CACNA2D1: variants seen among roughly 807,000 people sequenced by gnomAD.
CACNA2D1 encodes calcium voltage-gated channel auxiliary subunit alpha2delta 1.
A neutral mutation model predicts 171.5 loss-of-function variants in CACNA2D1; 53 were observed. The observed-to-expected ratio is 0.31, with a 90% CI of 0.25 to 0.39. The LOEUF is 0.39. CACNA2D1 is among the 10% of genes least tolerant of loss of function. CACNA2D1 has a pLI of 1.00. For synonymous variants in CACNA2D1, 442 were observed against 443.1 expected, an observed-to-expected ratio of 1.00 and a Z score of 0.03; for missense variants, 903 against 1,299.8, an observed-to-expected ratio of 0.69 and a Z score of 4.69.
chr7:82,165,931 C>G (rs915469859), intron 4 of CACNA2D1, among the ~76,000 whole-genome samples: 1 of 151,996 alleles, frequency 6.6e-6, no homozygotes, highest in African/African-American at 2.4e-5. Flanking sequence ...ATGCTACGCT[C>G]TCACTTTTTA....
At chr7:81,965,776 G>C in intron 31 of CACNA2D1, 111 bp from the exon 32 acceptor site, 2 of 733,142 alleles carry the variant, frequency 2.7e-6, no homozygotes, top group Non-Finnish European at 2.5e-6. Context: ...AATTTTAAAT[G>C]CCTATCTTCT....
intron 12 of CACNA2D1, among the ~76,000 whole-genome samples, chr7:82,032,400 G>C (rs1240979094): frequency 6.6e-6 from 1 of 151,454 alleles, no homozygotes; most frequent in Non-Finnish European, 1.5e-5. Context: ...TGAGTATTTA[G>C]GAAATTTGAG....
chr7:82,074,156 T>C (rs148232298), intron 7 of CACNA2D1, among the ~76,000 whole-genome samples: 1 of 152,340 alleles, frequency 6.6e-6, no homozygotes, highest in African/African-American at 2.4e-5. Flanking sequence ...CCAGATGCCA[T>C]TAACTAGACA....
intron 10 of CACNA2D1, among the ~76,000 whole-genome samples, chr7:82,044,036 T>C (rs948229275): frequency 1.3e-5 from 2 of 152,218 alleles, no homozygotes. Flanking sequence ...CCACTCAACC[T>C]GTCTTTTTAA....
intron 5 of CACNA2D1, among the ~76,000 whole-genome samples, chr7:82,117,603 C>T (rs1216139064): frequency 1.3e-5 from 2 of 152,134 alleles, no homozygotes; most frequent in African/African-American, 2.4e-5. Context: ...CCAGGCAACA[C>T]GGCAAACCCT....
intron 38 of CACNA2D1, among the ~76,000 whole-genome samples, chr7:81,954,358 A>ATAGGGGAACCTCCCT (rs1336553067): frequency 6.6e-6 from 1 of 151,954 alleles, no homozygotes; most frequent in African/African-American, 2.4e-5. Flanking sequence ...AGACTTCCTT[A>ATAGGGGAACCTCCCT]TAGGGGAACC....
chr7:82,345,787 G>A (rs1209878826), intron 2 of CACNA2D1, among the ~76,000 whole-genome samples: 2 of 151,334 alleles, frequency 1.3e-5, no homozygotes, highest in East Asian at 3.9e-4. Flanking sequence ...TCTAAATTTG[G>A]GGACTGTTTT....
intron 13 of CACNA2D1, 81 bp downstream of exon 13, chr7:82,014,320 C>A (rs545797927): frequency 2.9e-5 from 22 of 764,068 alleles, no homozygotes; most frequent in Non-Finnish European, 5.1e-5. Context: ...ACAATTTTAG[C>A]TTATTTTAAA....
intron 19 of CACNA2D1, among the ~76,000 whole-genome samples, chr7:81,996,849 T>TC (rs1048154987): frequency 1.6e-4 from 25 of 151,982 alleles, no homozygotes; most frequent in African/African-American, 5.6e-4. Flanking sequence ...AACTTTTTTT[T>TC]CAACACTATA....
intron 3 of CACNA2D1, among the ~76,000 whole-genome samples, chr7:82,230,234 G>C (rs1379791346): frequency 1.3e-5 from 2 of 152,192 alleles, no homozygotes; most frequent in African/African-American, 2.4e-5. Context: ...TCACAGAGTA[G>C]ATTGGCCTGC....
At chr7:82,214,892 C>CTCTT (rs1301424533) in intron 3 of CACNA2D1, among the ~76,000 whole-genome samples, 2 of 152,186 alleles carry the variant, frequency 1.3e-5, no homozygotes, top group Admixed American at 6.5e-5. Flanking sequence ...TATCAACAGT[C>CTCTT]TCTTCCTTTT....
At chr7:82,335,935 A>T (rs1207394240) in intron 2 of CACNA2D1, among the ~76,000 whole-genome samples, 2 of 152,218 alleles carry the variant, frequency 1.3e-5, no homozygotes, top group East Asian at 3.8e-4. Context: ...TGTCTATGGA[A>T]GGATTTCCCC....
At chr7:82,204,203 T>C (rs958081479) in intron 3 of CACNA2D1, among the ~76,000 whole-genome samples, 4 of 152,140 alleles carry the variant, frequency 2.6e-5, no homozygotes, top group Non-Finnish European at 4.4e-5. Flanking sequence ...GTGGACAAAG[T>C]AGTCAATGGG....
chr7:81,961,757 TACTC>T (rs911083218), intron 36 of CACNA2D1, 133 bp downstream of exon 36: 8 of 736,200 alleles, frequency 1.1e-5, no homozygotes, highest in Non-Finnish European at 1.8e-5. Context: ...TTAAAACAAT[TACTC>T]ACATCTCTGA....
chr7:82,432,798 T>C (rs910191774), intron 1 of CACNA2D1, among the ~76,000 whole-genome samples: 2 of 152,232 alleles, frequency 1.3e-5, no homozygotes, highest in Non-Finnish European at 1.5e-5. Context: ...TAATGCTCAA[T>C]TGCCAAAGGA....
intron 3 of CACNA2D1, among the ~76,000 whole-genome samples, chr7:82,255,439 T>C (rs1046538340): frequency 6.6e-6 from 1 of 152,164 alleles, no homozygotes. Flanking sequence ...TTTATAAATA[T>C]GTCATGTGAG....
At chr7:82,357,921 G>C (rs1820645276) in intron 1 of CACNA2D1, among the ~76,000 whole-genome samples, 1 of 151,732 alleles carries the variant, frequency 6.6e-6, no homozygotes, top group African/African-American at 2.4e-5. Context: ...TAGTGGGAAA[G>C]TGAGATGTCT....
At position 82,419,109 on chromosome 7, in the gene CACNA2D1, C is replaced by CAA. The variant is rs370697144; in HGVS notation, c.95+24254_95+24255dup. Among the ~76,000 whole-genome samples the CAA allele has an allele frequency of 7.8e-3, 769 of 98,208 alleles. 22 individuals are homozygous for CAA. The highest frequency in any genetic ancestry group is 0.071 in the Admixed American group (678 of 9,572). 64.4% of individuals were successfully genotyped at this position (98,208 alleles called of 152,430 possible). ...AGGGTGACAGAGCAAGACTCCATCT[C>CAA]AAAAAAAAAAAAAAAGACTAAACAT... is the stretch of plus-strand genomic sequence containing the variant. On this transcript the variant is annotated intron_variant, in intron 1 of 38. Coordinates refer to ENST00000356860, the MANE Select transcript of CACNA2D1 (RefSeq NM_000722.4).
chr7:82,037,694 G>A (rs1803473125), intron 11 of CACNA2D1, among the ~76,000 whole-genome samples: 1 of 152,138 alleles, frequency 6.6e-6, no homozygotes, highest in Non-Finnish European at 1.5e-5. Context: ...AAACTAAAAT[G>A]TTCTCAGTAA....
Sources: allele counts gnomAD v4.1 joint callset (sites outside exome capture counted in the v4.1 genomes callset), GRCh38; gene constraint gnomAD v4.1.1; transcripts MANE v1.5; gene names NCBI Gene and HGNC (gene_info 2026-07-23, HGNC 2026-07-21).